ANKRD30B: variants seen among roughly 807,000 people sequenced by gnomAD.
The protein encoded by ANKRD30B is ankyrin repeat domain-containing protein 30B.
A neutral mutation model predicts 202.2 loss-of-function variants in ANKRD30B; 144 were observed. The observed-to-expected ratio is 0.71, with a 90% CI of 0.62 to 0.82. The LOEUF is 0.82. ANKRD30B is among the 40% of genes least tolerant of loss of function. ANKRD30B has a pLI of 0.00. For missense variants in ANKRD30B, 1,487 were observed against 1,669.1 expected, an observed-to-expected ratio of 0.89 and a Z score of 1.90; for synonymous variants, 508 against 561.3, an observed-to-expected ratio of 0.91 and a Z score of 1.34.
In ANKRD30B at chr18:14,791,471, C is replaced by T. The variant is rs779627053; in HGVS notation, c.1805C>T (p.Thr602Ile). The part of the protein sequence containing the change: ...PKATHQKEFD[T>I]LSGKLEESPV... ...GCTACACATCAAAAAGAATTCGATA[C>T]CTTAAGTGGAAAATTAGAAGGTAAG... The change falls in exon 16 of 44, where the codon ACC becomes ATC. Residue 602 changes from threonine (T) to isoleucine (I), a missense_variant. Physicochemically the swap from Thr to Ile is moderately conservative, Grantham distance 89. Coordinates refer to ENST00000690538, the MANE Select transcript of ANKRD30B (RefSeq NM_001367607.2). The T allele has an allele frequency of 9.9e-6, 16 of 1,609,024 alleles. No homozygotes were observed. In the South Asian group the frequency reaches 1.4e-4, roughly 14 times the overall value.
the ANKRD30B span, among the ~76,000 whole-genome samples, chr18:14,933,564 G>A: frequency 1.8e-4 from 27 of 152,142 alleles, no homozygotes; most frequent in Admixed American, 1.6e-3. Flanking sequence ...GGTGGATCCC[G>A]GGACCAGGAT....
chr18:14,864,579 A>G, the ANKRD30B span, among the ~76,000 whole-genome samples: 1 of 147,424 alleles, frequency 6.8e-6, no homozygotes, highest in Non-Finnish European at 1.5e-5. Context: ...GCTCACTTCC[A>G]TTTTCCCCAC....
the ANKRD30B span, among the ~76,000 whole-genome samples, chr18:14,927,556 C>T: frequency 1.3e-5 from 2 of 152,326 alleles, no homozygotes; most frequent in East Asian, 1.9e-4. Context: ...CTTTGTGATT[C>T]TGTAAAGAGG....
chr18:14,875,132 A>G, the ANKRD30B span, among the ~76,000 whole-genome samples: 5 of 152,182 alleles, frequency 3.3e-5, no homozygotes, highest in Non-Finnish European at 7.3e-5. Context: ...GCCTCAGCAA[A>G]CCTCCATGAG....
At chr18:14,914,857 G>C in the ANKRD30B span, among the ~76,000 whole-genome samples, 1 of 152,142 alleles carries the variant, frequency 6.6e-6, no homozygotes, top group East Asian at 1.9e-4. Context: ...ATTGGACATA[G>C]GGGTCTGAAG....
At chr18:14,914,194 A>G in the ANKRD30B span, among the ~76,000 whole-genome samples, 1 of 152,226 alleles carries the variant, frequency 6.6e-6, no homozygotes, top group Non-Finnish European at 1.5e-5. Context: ...AACATTGATA[A>G]TCTTTCTCTG....
At chr18:14,888,022 T>C in the ANKRD30B span, among the ~76,000 whole-genome samples, 1 of 152,170 alleles carries the variant, frequency 6.6e-6, no homozygotes, top group African/African-American at 2.4e-5. Flanking sequence ...ACAAGATTTT[T>C]GGAAACATCC....
At chr18:14,879,404 G>A in the ANKRD30B span, among the ~76,000 whole-genome samples, 1 of 152,092 alleles carries the variant, frequency 6.6e-6, no homozygotes, top group Non-Finnish European at 1.5e-5. Context: ...CATATAACAA[G>A]CACCTGTAAT....
chr18:14,796,876 G>C (rs1382501562), intron 18 of ANKRD30B, among the ~76,000 whole-genome samples: 1 of 152,096 alleles, frequency 6.6e-6, no homozygotes, highest in African/African-American at 2.4e-5. Context: ...GGTCCCATGT[G>C]GATGAAGTAA....
At chr18:14,826,905 A>G (rs528756336) in intron 32 of ANKRD30B, among the ~76,000 whole-genome samples, 46 of 152,308 alleles carry the variant, frequency 3.0e-4, no homozygotes, top group African/African-American at 1.1e-3. Context: ...GGAACTCATA[A>G]TAAAATATAA....
At chr18:14,940,979 C>T in the ANKRD30B span, among the ~76,000 whole-genome samples, 3 of 152,098 alleles carry the variant, frequency 2.0e-5, no homozygotes, top group Non-Finnish European at 4.4e-5. Context: ...CCCCACAGCA[C>T]CTGAGCTTAG....
the ANKRD30B span, among the ~76,000 whole-genome samples, chr18:14,938,528 A>C: frequency 6.6e-6 from 1 of 152,040 alleles, no homozygotes; most frequent in Admixed American, 6.6e-5. Flanking sequence ...ACAAACTTTC[A>C]TTCCGGAAGG....
At chr18:14,751,166 TA>T (rs2143627283) in intron 1 of ANKRD30B, among the ~76,000 whole-genome samples, 1 of 152,180 alleles carries the variant, frequency 6.6e-6, no homozygotes, top group East Asian at 1.9e-4. Flanking sequence ...ATTTTTATTA[TA>T]TATAGGCTTA....
Position 14,791,841 on chromosome 18 carries a change from T to C in ANKRD30B, c.1825+350T>C, listed in dbSNP as rs1968534036. Among the ~76,000 whole-genome samples, 7 of 151,994 alleles carry C rather than the reference T, an allele frequency of 4.6e-5. No individual in the cohort carries two copies. The South Asian group carries it at 1.5e-3, about 32-fold the overall frequency. The stretch of plus-strand genomic sequence containing the variant: ...AGAGGCAGGTTTATATAATGGAGGA[T>C]GGTAAAATGAAATGATTCTTTAGGA... On this transcript the variant is annotated intron_variant, in intron 16 of 43. Transcript: ENST00000690538.
intron 39 of ANKRD30B, among the ~76,000 whole-genome samples, 200 bp from the exon 40 acceptor site, chr18:14,848,516 C>G (rs1971746648): frequency 6.6e-6 from 1 of 151,122 alleles, no homozygotes; most frequent in Non-Finnish European, 1.5e-5. Context: ...TGGGGCTTTG[C>G]TTTTCAGTAT....
the ANKRD30B span, among the ~76,000 whole-genome samples, chr18:14,885,169 T>C: frequency 2.0e-5 from 3 of 152,120 alleles, no homozygotes; most frequent in Non-Finnish European, 4.4e-5. Flanking sequence ...TCACCTATAC[T>C]GACTGTTAAA....
the ANKRD30B span, among the ~76,000 whole-genome samples, chr18:14,896,058 C>T: frequency 3.3e-5 from 5 of 151,872 alleles, no homozygotes; most frequent in Non-Finnish European, 7.4e-5. Context: ...ATAAATGTGC[C>T]ACATTAATGC....
intron 26 of ANKRD30B, among the ~76,000 whole-genome samples, chr18:14,809,352 A>C (rs1481495717): frequency 2.6e-5 from 4 of 151,078 alleles, no homozygotes; most frequent in Non-Finnish European, 5.9e-5. Context: ...GCAAGATATT[A>C]ATCAGCAGTA....
At chr18:14,844,481 C>A (rs1205132952) in intron 39 of ANKRD30B, among the ~76,000 whole-genome samples, 1 of 152,206 alleles carries the variant, frequency 6.6e-6, no homozygotes, top group Non-Finnish European at 1.5e-5. Context: ...TCCAGTCTAT[C>A]ATTGATGGGC....
Sources: gnomAD v4.1 joint callset for allele counts (sites outside exome capture counted in the v4.1 genomes callset) on GRCh38, gnomAD v4.1.1 for gene constraint, MANE v1.5 for transcripts, NCBI Gene and HGNC (gene_info 2026-07-23, HGNC 2026-07-21) for gene names.